MAGI2: variants seen among roughly 807,000 people sequenced by gnomAD.
MAGI2 encodes the protein membrane-associated guanylate kinase, WW and PDZ domain-containing protein 2.
Under a neutral mutation model 133.3 loss-of-function variants are expected in MAGI2, and 35 were observed. That is an observed-to-expected ratio of 0.26 (90% CI 0.20 to 0.35). The LOEUF (loss-of-function observed/expected upper bound fraction) is 0.35. MAGI2 is among the 10% of genes least tolerant of loss of function. MAGI2 has a pLI of 1.00. For synonymous variants in MAGI2, 729 were observed against 710.6 expected, an observed-to-expected ratio of 1.03 and a Z score of -0.41; for missense variants, 1,636 against 1,863.4, an observed-to-expected ratio of 0.88 and a Z score of 2.25.
rs1790642323 is a variant in MAGI2 at position 78,343,918 on chromosome 7, G to A, written c.1268C>T (p.Thr423Ile). ...FTRDASQLKGTFLSTTLKKSN... is the reference protein window; with the variant it reads ...FTRDASQLKGIFLSTTLKKSN... ...CTTTTTTAGGGTGGTGCTGAGGAAT[G>A]TTCCCTTCAACTGGGATGCATCCCG... Residue 423 changes from threonine (T) to isoleucine (I), a missense_variant, in exon 9 of 22, where the codon ACA becomes ATA. Transcript: ENST00000354212. 1 of 1,611,486 alleles carries A rather than the reference G, an allele frequency of 6.2e-7. No homozygotes were observed. The highest frequency in any genetic ancestry group is 1.3e-5 in the African/African-American group (1 of 74,648).
chr7:79,175,607 C>G (rs1019635533), intron 1 of MAGI2, among the ~76,000 whole-genome samples: 1 of 151,888 alleles, frequency 6.6e-6, no homozygotes, highest in African/African-American at 2.4e-5. Flanking sequence ...GCAATTTCAC[C>G]GTAGTATACT....
intron 6 of MAGI2, among the ~76,000 whole-genome samples, chr7:78,439,561 G>A (rs529592384): frequency 1.3e-5 from 2 of 152,194 alleles, no homozygotes; most frequent in South Asian, 4.2e-4. Context: ...AAGTCATGGA[G>A]GGCCCCACAG....
chr7:78,019,694 T>G lies in MAGI2; in HGVS notation c.3989A>C (p.Glu1330Ala), dbSNP rs2151030847. 1 of 1,518,548 alleles carries G rather than the reference T, an allele frequency of 6.6e-7. No homozygotes were observed. Among genetic ancestry groups the G allele is most frequent in the Non-Finnish European group, 8.8e-7 (1 of 1,142,580 alleles). 94.1% of individuals were successfully genotyped at this position (1,518,548 alleles called of 1,614,324 possible). ...PQRAARPRLE[E>A]APGGQGRPEA... ...GGGCCGCCCCTGGCCGCCGGGCGCCTCCTCGAGCCTCGGCCGCGCGGCCCT... is the reference window on the plus strand; with the variant it reads ...GGGCCGCCCCTGGCCGCCGGGCGCCGCCTCGAGCCTCGGCCGCGCGGCCCT... The change falls in exon 22 of 22, where the codon GAG becomes GCG. Residue 1330 changes from glutamate (E) to alanine (A), a missense_variant. Transcript: ENST00000354212.
chr7:78,799,968 A>G (rs770561400), intron 2 of MAGI2, among the ~76,000 whole-genome samples: 5 of 152,176 alleles, frequency 3.3e-5, no homozygotes, highest in Admixed American at 6.5e-5. Context: ...ACCATTTAGA[A>G]CACCTTAAAA....
chr7:78,419,399 T>TTGTGTGTG (rs3061300), intron 6 of MAGI2, among the ~76,000 whole-genome samples: 5 of 150,758 alleles, frequency 3.3e-5, no homozygotes, highest in East Asian at 2.0e-4. Flanking sequence ...TGCACCGAGC[T>TTGTGTGTG]TGTGTGTGTG....
intron 1 of MAGI2, among the ~76,000 whole-genome samples, chr7:79,126,906 C>A (rs944889091): frequency 6.6e-6 from 1 of 151,982 alleles, no homozygotes; most frequent in South Asian, 2.1e-4. Context: ...CCCATTAACT[C>A]GTCATTTAGC....
At chr7:78,698,394 G>A (rs1457839580) in intron 2 of MAGI2, among the ~76,000 whole-genome samples, 2 of 152,028 alleles carry the variant, frequency 1.3e-5, no homozygotes, top group Non-Finnish European at 2.9e-5. Context: ...AGTTTATTCC[G>A]CATCCCCTAA....
At chr7:78,844,563 G>T (rs559107262) in intron 2 of MAGI2, among the ~76,000 whole-genome samples, 2 of 151,892 alleles carry the variant, frequency 1.3e-5, no homozygotes, top group Non-Finnish European at 2.9e-5. Flanking sequence ...CATATTGCAT[G>T]ATTTCATTTG....
At chr7:78,298,574 GC>G (rs1455439868) in intron 9 of MAGI2, among the ~76,000 whole-genome samples, 1 of 152,162 alleles carries the variant, frequency 6.6e-6, no homozygotes, top group African/African-American at 2.4e-5. Context: ...TGTGATCTCT[GC>G]TCACTGCAAC....
chr7:78,432,777 A>C (rs750447342), intron 6 of MAGI2, among the ~76,000 whole-genome samples: 6 of 152,066 alleles, frequency 3.9e-5, no homozygotes, highest in Non-Finnish European at 8.8e-5. Context: ...TTATACAAAG[A>C]AATGGACTGA....
chr7:78,527,196 C>T (rs1191373485), intron 3 of MAGI2, among the ~76,000 whole-genome samples: 1 of 152,060 alleles, frequency 6.6e-6, no homozygotes, highest in Non-Finnish European at 1.5e-5. Context: ...ATGAGCTAAA[C>T]CTGCCAGGCA....
chr7:79,217,676 CT>C, intron 1 of MAGI2, among the ~76,000 whole-genome samples: 1 of 151,998 alleles, frequency 6.6e-6, no homozygotes, highest in East Asian at 1.9e-4. Flanking sequence ...AGAACTAGAC[CT>C]TTGTTTGAAC....
chr7:78,984,592 C>T (rs1805074667), intron 2 of MAGI2, among the ~76,000 whole-genome samples: 1 of 151,912 alleles, frequency 6.6e-6, no homozygotes, highest in Admixed American at 6.6e-5. Context: ...GATATAATCA[C>T]AGCTTTTGTT....
chr7:78,352,956 G>A (rs1791675022), intron 7 of MAGI2: 1 of 152,100 alleles, frequency 6.6e-6, no homozygotes, highest in African/African-American at 2.4e-5. Context: ...ATGTCATGAA[G>A]CACCCAGGAC....
chr7:78,562,206 T>A (rs1800480489), intron 3 of MAGI2, among the ~76,000 whole-genome samples: 1 of 152,172 alleles, frequency 6.6e-6, no homozygotes, highest in Non-Finnish European at 1.5e-5. Flanking sequence ...TATGAGAGCA[T>A]TAAAAGGAGT....
In MAGI2 at chr7:78,376,956, A is replaced by T. The variant is rs187603457; in HGVS notation, c.1046-7743T>A. On this transcript the variant is annotated intron_variant, in intron 6 of 21. Transcript: ENST00000354212. ...TAGAAAGGGCTGGCTACAAAGAAAG[A>T]TTTGGGAAGCAACTATATATGGAGG... is the stretch of plus-strand genomic sequence containing the variant. Among the ~76,000 whole-genome samples the T allele has an allele frequency of 3.1e-3, 465 of 152,254 alleles. 3 individuals carry two copies. Among genetic ancestry groups the T allele is most frequent in the Non-Finnish European group, 5.3e-3 (360 of 67,988 alleles).
intron 20 of MAGI2, among the ~76,000 whole-genome samples, chr7:78,092,825 T>C (rs907117895): frequency 6.6e-6 from 1 of 152,172 alleles, no homozygotes; most frequent in Non-Finnish European, 1.5e-5. Context: ...CATGCATATG[T>C]TGATTCACAG....
At chr7:79,232,170 T>G (rs1299640214) in intron 1 of MAGI2, among the ~76,000 whole-genome samples, 1 of 152,208 alleles carries the variant, frequency 6.6e-6, no homozygotes, top group Non-Finnish European at 1.5e-5. Flanking sequence ...ATAAGCTTTT[T>G]GATGTGCTGC....
chr7:78,267,662 A>T (rs892210156), intron 9 of MAGI2, among the ~76,000 whole-genome samples: 4 of 152,202 alleles, frequency 2.6e-5, no homozygotes, highest in Non-Finnish European at 4.4e-5. Flanking sequence ...TCTCTGATTT[A>T]TGTGAAGAGA....
Sources: gnomAD v4.1 joint callset for allele counts (sites outside exome capture counted in the v4.1 genomes callset) on GRCh38, gnomAD v4.1.1 for gene constraint, MANE v1.5 for transcripts, NCBI Gene and HGNC (gene_info 2026-07-23, HGNC 2026-07-21) for gene names.